The following IPPK variants were observed in gnomAD, a reference collection of about 807,000 sequenced individuals.
The protein encoded by IPPK is inositol-pentakisphosphate 2-kinase, also known as IPK1 homolog.
A neutral mutation model predicts 64.6 loss-of-function variants in IPPK; 22 were observed. The observed-to-expected ratio is 0.34, with a 90% CI of 0.24 to 0.49. The LOEUF (loss-of-function observed/expected upper bound fraction) is 0.49, where lower values mean the gene tolerates loss of function less well. Among genes scored for constraint, IPPK ranks in the 20% least tolerant of loss-of-function variants. The probability of loss-of-function intolerance (pLI) is 0.99; values close to 1 mark genes in which losing one functional copy is unlikely to be tolerated. For synonymous variants in IPPK, 262 were observed against 247.2 expected, an observed-to-expected ratio of 1.06 and a Z score of -0.56; for missense variants, 532 against 630.7, an observed-to-expected ratio of 0.84 and a Z score of 1.68.
intron 12 of IPPK, chr9:92,618,119 C>A (rs555267576): frequency 1.7e-5 from 7 of 411,972 alleles, no homozygotes; most frequent in Non-Finnish European, 2.9e-5. Context: ...GCGGCCACTG[C>A]GCACACCTTC....
intron 12 of IPPK, chr9:92,619,051 G>A (rs1048786444): frequency 5.7e-5 from 13 of 228,330 alleles, no homozygotes; most frequent in African/African-American, 2.3e-4. Context: ...GAATGAATGC[G>A]CGCCTCACAG....
At chr9:92,639,327 G>A (rs548624160) in intron 8 of IPPK, among the ~76,000 whole-genome samples, 1 of 152,312 alleles carries the variant, frequency 6.6e-6, no homozygotes, top group Admixed American at 6.5e-5. Flanking sequence ...GGGGTTACAG[G>A]TGTGAGCCAC....
At chr9:92,633,924 A>G (rs899009692) in intron 11 of IPPK, among the ~76,000 whole-genome samples, 3 of 152,222 alleles carry the variant, frequency 2.0e-5, no homozygotes, top group African/African-American at 7.2e-5. Context: ...CAGGAAGTAC[A>G]GGGCCAGTCC....
intron 5 of IPPK, 128 bp downstream of exon 5, chr9:92,649,325 T>G: frequency 1.9e-6 from 2 of 1,067,540 alleles, no homozygotes; most frequent in South Asian, 1.5e-5. Context: ...AAGTGGAGTT[T>G]CCAGGAGCCA....
chr9:92,643,987 C>CT (rs1374320792), intron 6 of IPPK, among the ~76,000 whole-genome samples: 7 of 152,226 alleles, frequency 4.6e-5, no homozygotes, highest in African/African-American at 1.7e-4. Context: ...TCTTAAACAT[C>CT]TGTCACATAT....
At chr9:92,647,495 C>T (rs979123924) in intron 6 of IPPK, among the ~76,000 whole-genome samples, 11 of 152,096 alleles carry the variant, frequency 7.2e-5, no homozygotes, top group African/African-American at 2.7e-4. Flanking sequence ...ATTCAAAAAC[C>T]CTCAACAAAA....
chr9:92,619,479 G>C lies in IPPK; in HGVS notation c.1250+7C>G. On this transcript the variant is annotated splice_region_variant and intron_variant, in intron 12 of 12. Transcript: ENST00000287996. ...CCAGGCTGCATGCCTTGCAGTGGGG[G>C]CCTCACCTGGCATCCTGCAGACAGG... The C allele has an allele frequency of 3.8e-6, 6 of 1,579,502 alleles. No individual in the cohort carries two copies. Among genetic ancestry groups the C allele is most frequent in the African/African-American group, 1.3e-5 (1 of 74,734 alleles).
chr9:92,647,920 G>C (rs1174633928), intron 6 of IPPK, 139 bp downstream of exon 6: 1 of 621,638 alleles, frequency 1.6e-6, no homozygotes, highest in African/African-American at 1.9e-5. Flanking sequence ...AGTTGAACAT[G>C]AATCACTTTG....
intron 1 of IPPK, among the ~76,000 whole-genome samples, chr9:92,662,367 A>C (rs552570337): frequency 6.6e-6 from 1 of 152,234 alleles, no homozygotes; most frequent in South Asian, 2.1e-4. Flanking sequence ...CTCTACTAAA[A>C]AACACAAAAT....
In IPPK at chr9:92,669,965, C is replaced by T; in HGVS notation, c.24G>A (p.Glu8=). The T allele has an allele frequency of 6.2e-7, 1 of 1,613,132 alleles. No homozygotes were observed. Among genetic ancestry groups the T allele is most frequent in the Non-Finnish European group, 8.5e-7 (1 of 1,179,526 alleles). Residue 8 remains glutamate (E), a synonymous_variant, in exon 1 of 13, where the codon GAG becomes GAA. Transcript: ENST00000287996. The part of the protein sequence containing the change: MEEGKMD[E]NEWGYHGEGN... ...CCTCTCCGTGGTACCCCCATTCATT[C>T]TCGTCCATCTTCCCCTCTTCCATGC...
At chr9:92,654,624 T>G (rs1852335085) in intron 3 of IPPK, among the ~76,000 whole-genome samples, 1 of 152,146 alleles carries the variant, frequency 6.6e-6, no homozygotes, top group Non-Finnish European at 1.5e-5. Flanking sequence ...ACCAACCAGC[T>G]CTTGCACAAG....
Position 92,646,888 on chromosome 9 carries a change from CA to C in IPPK, c.504+1170del, listed in dbSNP as rs1256296070. On this transcript the variant is annotated intron_variant, in intron 6 of 12. Coordinates refer to ENST00000287996, the MANE Select transcript of IPPK (RefSeq NM_022755.6). Reference sequence around the variant, plus strand: ...CTGGGTGCAGAACGAGACTCCGTCTCAAAAAAAATAAAAAAATAAAATTAGA... The same window carrying C: ...CTGGGTGCAGAACGAGACTCCGTCTCAAAAAAATAAAAAAATAAAATTAGA... 2.0e-5 allele frequency among the ~76,000 whole-genome samples: 3 copies of C among 150,778 alleles called. No homozygotes were observed. The South Asian group carries it at 6.3e-4, about 31-fold the overall frequency.
chr9:92,653,617 C>T (rs916961775), intron 3 of IPPK, among the ~76,000 whole-genome samples: 8 of 152,094 alleles, frequency 5.3e-5, no homozygotes, highest in Middle Eastern at 3.2e-3. Context: ...TTTGGGAGGC[C>T]GAGGCTGGTG....
chr9:92,669,826 T>C (rs1852689381), intron 1 of IPPK, 82 bp downstream of exon 1: 4 of 1,064,850 alleles, frequency 3.8e-6, no homozygotes, highest in South Asian at 2.7e-5. Flanking sequence ...ACCGACCCTG[T>C]TGAGGAAACG....
intron 1 of IPPK, 56 bp from the exon 2 acceptor site, chr9:92,658,737 TGTCA>T (rs1852423927): frequency 6.6e-7 from 1 of 1,519,170 alleles, no homozygotes; most frequent in Admixed American, 1.7e-5. Flanking sequence ...AGGCACAAGG[TGTCA>T]GTCAGTTTGG....
intron 11 of IPPK, among the ~76,000 whole-genome samples, chr9:92,627,488 G>C (rs1575460): frequency 0.2 from 30,013 of 152,148 alleles, 3,820 homozygotes; most frequent in East Asian, 0.66. Flanking sequence ...CAACATATAA[G>C]AAGGACAAGA....
chr9:92,655,771 G>A (rs1852360638), intron 3 of IPPK, among the ~76,000 whole-genome samples: 2 of 152,080 alleles, frequency 1.3e-5, no homozygotes, highest in Non-Finnish European at 2.9e-5. Flanking sequence ...TTCCTAACAG[G>A]GGAACTGTGA....
At chr9:92,620,136 T>TACAG (rs2131416826) in intron 11 of IPPK, 1 of 156,834 alleles carries the variant, frequency 6.4e-6, no homozygotes, top group Non-Finnish European at 1.4e-5. Flanking sequence ...CGTCCCACTT[T>TACAG]ACAGACAAGC....
At chr9:92,657,452 G>A (rs1852396248) in intron 2 of IPPK, among the ~76,000 whole-genome samples, 2 of 152,180 alleles carry the variant, frequency 1.3e-5, no homozygotes, top group African/African-American at 2.4e-5. Context: ...AGGAAATGTA[G>A]CCAACTGCTG....
Sources: gnomAD v4.1 joint callset for allele counts (sites outside exome capture counted in the v4.1 genomes callset) on GRCh38, gnomAD v4.1.1 for gene constraint, MANE v1.5 for transcripts, NCBI Gene and HGNC (gene_info 2026-07-23, HGNC 2026-07-21) for gene names.